Variants in MARCHF8 observed in about 807,000 individuals in gnomAD.
The protein encoded by MARCHF8 is E3 ubiquitin-protein ligase MARCHF8.
Under a neutral mutation model 51.6 loss-of-function variants are expected in MARCHF8, and 40 were observed. The observed-to-expected ratio is 0.77, with a 90% CI of 0.60 to 1.01. The LOEUF is 1.01. Ranked by LOEUF, MARCHF8 falls within the 50% of genes least tolerant of loss-of-function variation. The pLI is 0.00. For synonymous variants in MARCHF8, 263 were observed against 280.3 expected (o/e 0.94, Z 0.62); for missense variants, 685 against 708.6 (o/e 0.97, Z 0.38).
chr10:45,491,592 T>G (rs931567521), intron 2 of MARCHF8, among the ~76,000 whole-genome samples: 2 of 152,160 alleles, frequency 1.3e-5, no homozygotes, highest in African/African-American at 4.8e-5. Context: ...AATTCAATCA[T>G]ATTATTCACA....
At chr10:45,491,572 C>T (rs1445262337) in intron 2 of MARCHF8, among the ~76,000 whole-genome samples, 1 of 152,120 alleles carries the variant, frequency 6.6e-6, no homozygotes, top group Non-Finnish European at 1.5e-5. Flanking sequence ...CCAAGTTTAA[C>T]TAGCAATTTA....
At chr10:45,588,998 C>CAAAA (rs72350925) in intron 1 of MARCHF8, among the ~76,000 whole-genome samples, 5 of 87,660 alleles carry the variant, frequency 5.7e-5, no homozygotes, top group Admixed American at 1.4e-4. Flanking sequence ...GACTACGTTT[C>CAAAA]AAAAAAAAAA....
intron 1 of MARCHF8, among the ~76,000 whole-genome samples, chr10:45,547,839 T>C (rs1377686197): frequency 1.3e-5 from 2 of 152,234 alleles, no homozygotes; most frequent in African/African-American, 4.8e-5. Context: ...AATGGTTATA[T>C]CTGCCTAAAA....
intron 2 of MARCHF8, among the ~76,000 whole-genome samples, chr10:45,527,895 T>G (rs149441213): frequency 6.6e-6 from 1 of 152,078 alleles, no homozygotes; most frequent in African/African-American, 2.4e-5. Context: ...TCAAAAAACA[T>G]GGTACACCAC....
chr10:45,500,710 A>C (rs1368398471), intron 2 of MARCHF8, among the ~76,000 whole-genome samples: 1 of 152,160 alleles, frequency 6.6e-6, no homozygotes, highest in Non-Finnish European at 1.5e-5. Flanking sequence ...CATATATATC[A>C]GAATGAAAGA....
chr10:45,516,353 A>G (rs931273997), intron 2 of MARCHF8, among the ~76,000 whole-genome samples: 4 of 152,156 alleles, frequency 2.6e-5, no homozygotes, highest in Non-Finnish European at 4.4e-5. Context: ...GTCTTACTAT[A>G]TTGCCCAGGC....
rs748190054 is a variant in MARCHF8 at position 45,496,150 on chromosome 10, T to G, written c.103-6733A>C. ...ACTCAGAGAATTCATTGCAAGTGGA[T>G]GCACCTGAAAAGAAATACTAAAGGA... is the stretch of plus-strand genomic sequence containing the variant. On this transcript the variant is annotated intron_variant, in intron 2 of 7. Transcript: ENST00000453424. Among the ~76,000 whole-genome samples the G allele has an allele frequency of 1.6e-3, 251 of 152,294 alleles. 3 individuals carry two copies. Among genetic ancestry groups the G allele is most frequent in the Non-Finnish European group, 3.1e-3 (210 of 68,018 alleles).
intron 1 of MARCHF8, among the ~76,000 whole-genome samples, chr10:45,545,364 A>T (rs983020456): frequency 6.6e-6 from 1 of 152,218 alleles, no homozygotes; most frequent in African/African-American, 2.4e-5. Context: ...AACTCAAACT[A>T]TTAAGCAACA....
upstream of MARCHF8, among the ~76,000 whole-genome samples, chr10:45,539,035 T>A (rs1227771296): frequency 3.3e-5 from 5 of 152,154 alleles, no homozygotes; most frequent in East Asian, 7.7e-4. Flanking sequence ...GCACCACACC[T>A]CACCTATTCC....
At chr10:45,467,424 C>T (rs935325635) in intron 3 of MARCHF8, among the ~76,000 whole-genome samples, 6 of 152,296 alleles carry the variant, frequency 3.9e-5, no homozygotes, top group Middle Eastern at 3.4e-3. Context: ...ATCTAAAGGA[C>T]AGCAAACATT....
At position 45,577,063 on chromosome 10, in the gene MARCHF8, T is replaced by C. The variant is rs74446744; in HGVS notation, c.-79+17172A>G. On this transcript the variant is annotated intron_variant, in intron 1 of 6. Coordinates refer to the MARCHF8 transcript ENST00000319836. ...GTGATTAAATCATGAGGGCAGAGACTTCATGAATGGGATTAGGGACTCATC... is the reference window on the plus strand; with the variant it reads ...GTGATTAAATCATGAGGGCAGAGACCTCATGAATGGGATTAGGGACTCATC... Among the ~76,000 whole-genome samples, 577 of 151,794 alleles carry C rather than the reference T, an allele frequency of 3.8e-3. 12 individuals are homozygous for C. In the East Asian group the frequency reaches 0.053, roughly 14 times the overall value.
rs899508218 is a variant in MARCHF8, at chr10:45,457,755, G to A, written c.*484C>T. 1 of 154,930 alleles carries A rather than the reference G, an allele frequency of 6.5e-6. No individual in the cohort carries two copies. Among genetic ancestry groups the A allele is most frequent in the African/African-American group, 2.4e-5 (1 of 41,516 alleles). 9.6% of individuals were successfully genotyped at this position (154,930 alleles called of 1,614,324 possible). A position where few individuals can be genotyped will look rare whatever the true frequency, so the allele number is the denominator to read the frequency against. ...GGCAGCATCGGCAGAGGGCAGGCAGGAGTCTGTGTTTGGGGGTCTGTTTCA... is the reference window on the plus strand; with the variant it reads ...GGCAGCATCGGCAGAGGGCAGGCAGAAGTCTGTGTTTGGGGGTCTGTTTCA... On this transcript the variant is annotated 3_prime_UTR_variant, in exon 8 of 8. Transcript: ENST00000453424.
chr10:45,505,729 T>C (rs1049508247), intron 2 of MARCHF8, among the ~76,000 whole-genome samples: 2 of 152,262 alleles, frequency 1.3e-5, no homozygotes, highest in Non-Finnish European at 1.5e-5. Flanking sequence ...GGCCATTTTA[T>C]AAAAATCTCT....
intron 2 of MARCHF8, among the ~76,000 whole-genome samples, chr10:45,512,148 T>C (rs1383035438): frequency 1.3e-5 from 2 of 148,646 alleles, no homozygotes; most frequent in African/African-American, 2.5e-5. Flanking sequence ...GTCTGGGAGG[T>C]GAGGAGCGTC....
intron 2 of MARCHF8, among the ~76,000 whole-genome samples, chr10:45,524,759 A>G (rs1344197828): frequency 1.3e-5 from 2 of 152,106 alleles, no homozygotes; most frequent in Non-Finnish European, 2.9e-5. Context: ...CAGTAAGAGA[A>G]AGCTACAGAC....
At chr10:45,589,312 T>C (rs1295245314) in intron 1 of MARCHF8, among the ~76,000 whole-genome samples, 2 of 152,170 alleles carry the variant, frequency 1.3e-5, no homozygotes, top group Non-Finnish European at 2.9e-5. Flanking sequence ...TAAAAGGATA[T>C]GGTTCCCATC....
At chr10:45,471,522 T>G (rs1564470098) in intron 3 of MARCHF8, among the ~76,000 whole-genome samples, 2 of 152,236 alleles carry the variant, frequency 1.3e-5, no homozygotes, top group Non-Finnish European at 2.9e-5. Context: ...GAGTTACTTA[T>G]CACTCACAAG....
intron 1 of MARCHF8, among the ~76,000 whole-genome samples, chr10:45,534,939 GAAC>G (rs977293726): frequency 6.6e-6 from 1 of 152,048 alleles, no homozygotes; most frequent in African/African-American, 2.4e-5. Flanking sequence ...CAACAAAAAG[GAAC>G]AAAAACTGGG....
intron 1 of MARCHF8, among the ~76,000 whole-genome samples, chr10:45,569,296 G>A (rs1205729698): frequency 6.6e-6 from 1 of 151,932 alleles, no homozygotes; most frequent in East Asian, 1.9e-4. Context: ...TTTTTTGAGG[G>A]TTTTTCAACA....
Sources: allele counts gnomAD v4.1 joint callset (sites outside exome capture counted in the v4.1 genomes callset), GRCh38; gene constraint gnomAD v4.1.1; transcripts MANE v1.5; gene names NCBI Gene and HGNC (gene_info 2026-07-23, HGNC 2026-07-21).